RBMS3: variants seen among roughly 807,000 people sequenced by gnomAD.
RBMS3 encodes RNA-binding motif, single-stranded-interacting protein 3.
In RBMS3, 27 loss-of-function variants were observed where a neutral mutation model predicts 66.8. The observed-to-expected ratio is 0.40, with a 90% confidence interval of 0.30 to 0.56. RBMS3 has a LOEUF of 0.56. Ranked by LOEUF, RBMS3 falls within the 20% of genes least tolerant of loss-of-function variation. The probability of loss-of-function intolerance (pLI) is 0.40; values close to 1 mark genes in which losing one functional copy is unlikely to be tolerated. For missense variants in RBMS3, 513 were observed against 549.5 expected (o/e 0.93, Z 0.66); for synonymous variants, 188 against 183.0 (o/e 1.03, Z -0.22).
intron 6 of RBMS3, among the ~76,000 whole-genome samples, chr3:29,860,022 G>T (rs2059174981): frequency 6.6e-6 from 1 of 152,204 alleles, no homozygotes; most frequent in African/African-American, 2.4e-5. Flanking sequence ...TATTCTGCAA[G>T]ACCTTCCTGG....
chr3:29,746,282 T>C (rs1436869315), intron 5 of RBMS3, among the ~76,000 whole-genome samples: 1 of 152,182 alleles, frequency 6.6e-6, no homozygotes, highest in East Asian at 1.9e-4. Flanking sequence ...TAACAATTTC[T>C]CCCTCGCTAT....
chr3:29,386,782 C>T (rs1379960668), intron 1 of RBMS3, among the ~76,000 whole-genome samples: 1 of 152,200 alleles, frequency 6.6e-6, no homozygotes, highest in African/African-American at 2.4e-5. Flanking sequence ...ACTGTTTCCA[C>T]TTCCTTTCTT....
rs56941534 is a variant in RBMS3, at chr3:29,994,042, G to A, written c.1307+2833G>A. ...TACCGGGTTCATCTCACTAGGGAGTGCCAGACTGGGCGCAGGTCAGTGGGT... is the reference window on the plus strand; with the variant it reads ...TACCGGGTTCATCTCACTAGGGAGTACCAGACTGGGCGCAGGTCAGTGGGT... On this transcript the variant is annotated intron_variant, in intron 14 of 14. Transcript: ENST00000383767. Among the ~76,000 whole-genome samples the A allele has an allele frequency of 2.7e-3, 374 of 137,022 alleles. 2 individuals carry two copies. Among genetic ancestry groups the A allele is most frequent in the African/African-American group, 0.011 (362 of 34,362 alleles). 89.9% of individuals were successfully genotyped at this position (137,022 alleles called of 152,430 possible).
At chr3:29,343,647 C>T (rs912498498) in intron 1 of RBMS3, among the ~76,000 whole-genome samples, 1 of 152,098 alleles carries the variant, frequency 6.6e-6, no homozygotes, top group African/African-American at 2.4e-5. Context: ...CGACTTAGGT[C>T]TTGGCTGGAA....
At chr3:29,848,837 C>T (rs1382124575) in intron 6 of RBMS3, among the ~76,000 whole-genome samples, 1 of 151,882 alleles carries the variant, frequency 6.6e-6, no homozygotes, top group African/African-American at 2.4e-5. Flanking sequence ...AAGTTAGGCT[C>T]AAAAACATAT....
intron 6 of RBMS3, among the ~76,000 whole-genome samples, chr3:29,836,014 C>A (rs2058498644): frequency 6.6e-6 from 1 of 151,582 alleles, no homozygotes; most frequent in Non-Finnish European, 1.5e-5. Context: ...AATTAGACTG[C>A]CTAGAATAGA....
chr3:29,915,146 G>T (rs1286508256), intron 10 of RBMS3, among the ~76,000 whole-genome samples: 1 of 137,860 alleles, frequency 7.3e-6, no homozygotes, highest in Non-Finnish European at 1.6e-5. Flanking sequence ...TTTTAGAATA[G>T]AGTGTTCCTA....
intron 6 of RBMS3, among the ~76,000 whole-genome samples, chr3:29,842,602 G>GCATCCCAGAGATGTCCATGTCGTAAT (rs1179364801): frequency 1.3e-5 from 2 of 152,010 alleles, no homozygotes; most frequent in Non-Finnish European, 2.9e-5. Context: ...CTAGATAATT[G>GCATCCCAGAGATGTCCATGTCGTAAT]CATCCCAGAG....
rs145678406 is a variant in RBMS3, at chr3:29,718,393, G to T, written c.400-21327G>T. On this transcript the variant is annotated intron_variant, in intron 4 of 14. Coordinates refer to ENST00000383767, the MANE Select transcript of RBMS3 (RefSeq NM_001003793.3). ...AGTGCATTAAGTTTATTTAGGAAGT[G>T]ATCCATGAAAACAGAAGTAAAGGAA... 3.3e-5 allele frequency among the ~76,000 whole-genome samples: 5 copies of T among 152,074 alleles called. No individual in the cohort carries two copies. The East Asian group carries it at 9.7e-4, about 30-fold the overall frequency.
At chr3:29,482,824 C>T (rs1490799307) in intron 2 of RBMS3, among the ~76,000 whole-genome samples, 1 of 149,518 alleles carries the variant, frequency 6.7e-6, no homozygotes, top group Non-Finnish European at 1.5e-5. Flanking sequence ...TCTCCTGCCT[C>T]AGCCTCCTGA....
intron 4 of RBMS3, among the ~76,000 whole-genome samples, chr3:29,670,750 G>T (rs865969795): frequency 1.3e-5 from 2 of 152,186 alleles, no homozygotes; most frequent in Non-Finnish European, 2.9e-5. Context: ...CAAAGCGGCT[G>T]GGAAGCTCCA....
chr3:29,988,681 G>C lies in RBMS3; in HGVS notation c.1179+458G>C, dbSNP rs145370456. On this transcript the variant is annotated intron_variant, in intron 13 of 14. Coordinates refer to ENST00000383767, the MANE Select transcript of RBMS3 (RefSeq NM_001003793.3). ...CATGCACCTGTAATCCTTGCTACTT[G>C]AGATGCTGAGACAGGAGGATCTCTT... Among the ~76,000 whole-genome samples, 713 of 152,268 alleles carry C rather than the reference G, an allele frequency of 4.7e-3. 3 individuals carry two copies. Among genetic ancestry groups the C allele is most frequent in the African/African-American group, 0.016 (680 of 41,542 alleles).
intron 10 of RBMS3, among the ~76,000 whole-genome samples, chr3:29,930,565 C>G (rs2061092901): frequency 6.6e-6 from 1 of 152,010 alleles, no homozygotes; most frequent in African/African-American, 2.4e-5. Flanking sequence ...GGGAACTGTT[C>G]TCTGTGTTGC....
intron 4 of RBMS3, among the ~76,000 whole-genome samples, chr3:29,641,362 A>G (rs1181504756): frequency 6.6e-6 from 1 of 152,066 alleles, no homozygotes; most frequent in Non-Finnish European, 1.5e-5. Context: ...CCAGTATTTC[A>G]AAGAGGCTGC....
At chr3:29,399,500 T>A (rs748966927) in intron 1 of RBMS3, among the ~76,000 whole-genome samples, 10 of 152,172 alleles carry the variant, frequency 6.6e-5, no homozygotes, top group Non-Finnish European at 1.3e-4. Flanking sequence ...ACAAATACTC[T>A]AGGAATGAAT....
intron 12 of RBMS3, among the ~76,000 whole-genome samples, chr3:29,948,444 A>G (rs1392229810): frequency 1.3e-5 from 2 of 151,810 alleles, no homozygotes; most frequent in Admixed American, 1.3e-4. Context: ...TCTATCATCC[A>G]GAGGAGGGAA....
intron 2 of RBMS3, among the ~76,000 whole-genome samples, chr3:29,487,315 T>C (rs925753062): frequency 1.3e-5 from 2 of 152,142 alleles, no homozygotes; most frequent in African/African-American, 2.4e-5. Context: ...GTCATTTTGA[T>C]AATATGAAAC....
chr3:29,340,863 T>C (rs6549927), intron 1 of RBMS3, among the ~76,000 whole-genome samples: 61,568 of 152,058 alleles, frequency 0.4, 13,332 homozygotes, highest in Non-Finnish European at 0.49. Flanking sequence ...TCCTATTATA[T>C]ATATCATTTT....
At chr3:29,977,427 G>C (rs751430723) in intron 12 of RBMS3, among the ~76,000 whole-genome samples, 1 of 152,030 alleles carries the variant, frequency 6.6e-6, no homozygotes, top group Non-Finnish European at 1.5e-5. Context: ...GGTTTTCTTT[G>C]TTTGTTTCCA....
Sources: allele counts gnomAD v4.1 joint callset (sites outside exome capture counted in the v4.1 genomes callset), GRCh38; gene constraint gnomAD v4.1.1; transcripts MANE v1.5; gene names NCBI Gene and HGNC (gene_info 2026-07-23, HGNC 2026-07-21).